Variants in ITGAE observed in about 807,000 individuals in gnomAD.
The protein encoded by ITGAE is integrin alpha-E.
In ITGAE, 99 loss-of-function variants were observed where a neutral mutation model predicts 136.5. The ratio of observed to expected loss-of-function variants is 0.73; its 90% CI spans 0.62 to 0.86. The LOEUF is 0.86. ITGAE is among the 40% of genes least tolerant of loss of function. The pLI is 0.00. For synonymous variants in ITGAE, 613 were observed against 591.8 expected (o/e 1.04, Z -0.52); for missense variants, 1,447 against 1,515.3 (o/e 0.95, Z 0.75).
intron 16 of ITGAE, among the ~76,000 whole-genome samples, chr17:3,748,976 G>T (rs2051790651): frequency 3.9e-5 from 6 of 152,170 alleles, no homozygotes; most frequent in Admixed American, 3.9e-4. Context: ...GAAGGGATAG[G>T]GCTGCTGCTG....
intron 30 of ITGAE, among the ~76,000 whole-genome samples, chr17:3,716,060 G>A (rs1344114469): frequency 6.6e-6 from 1 of 152,010 alleles, no homozygotes; most frequent in Non-Finnish European, 1.5e-5. Context: ...AGGAGGCTGA[G>A]GCAGGAGAAT....
At position 3,723,630 on chromosome 17, in the gene ITGAE, T is replaced by C. The variant is rs1454609501; in HGVS notation, c.3141+58A>G. ...CCAGGAAAAACAGTCTCCTGGCCTC[T>C]CGTTACCCGCTTCAGGCCCTCCGCC... is the stretch of plus-strand genomic sequence containing the variant. On this transcript the variant is annotated intron_variant, in intron 27 of 30. Transcript: ENST00000263087. 6.1e-6 allele frequency: 9 copies of C among 1,483,702 alleles called. No homozygotes were observed. The Admixed American group carries it at 1.9e-4, about 31-fold the overall frequency. The allele number at this position is 1,483,702 out of a possible 1,614,324, so 91.9% of individuals were successfully genotyped here. A position where few individuals can be genotyped will look rare whatever the true frequency, so the allele number is the denominator to read the frequency against.
chr17:3,736,387 C>G (rs569735132), intron 20 of ITGAE, among the ~76,000 whole-genome samples: 2 of 152,150 alleles, frequency 1.3e-5, no homozygotes, highest in South Asian at 4.2e-4. Flanking sequence ...AGAATTGTAC[C>G]CAAATCCTCT....
intron 1 of ITGAE, among the ~76,000 whole-genome samples, chr17:3,797,159 T>A (rs8074073): frequency 0.2 from 1,576 of 7,868 alleles, 30 homozygotes; most frequent in Middle Eastern, 0.31. Context: ...ATATATATAT[T>A]TTTTTTTTTT....
Position 3,755,231 on chromosome 17 carries a change from A to G in ITGAE, c.1270T>C (p.Phe424Leu), listed in dbSNP as rs555468032. The change falls in exon 12 of 31, where the codon TTT (phenylalanine) becomes CTT (leucine). Residue 424 changes from phenylalanine (F) to leucine (L), a missense_variant. Phe to Leu is a conservative substitution (Grantham distance 22). This residue lies in a region of ITGAE where 1,031 missense variants were observed against 1,011.4 expected (regional missense o/e 1.02). Transcript: ENST00000263087. The part of the protein sequence containing the change: ...RQVLLGAVGA[F>L]DWSGGALLYD... ...AGCAACGCCCCTCCGGACCAGTCAA[A>G]GGCCCCGACGGCGCCGAGCAGCACC... is the stretch of plus-strand genomic sequence containing the variant. 1.3e-5 allele frequency: 20 copies of G among 1,575,258 alleles called. No homozygotes were observed. Among genetic ancestry groups the G allele is most frequent in the African/African-American group, 1.2e-4 (9 of 74,236 alleles).
At chr17:3,726,491 T>C in intron 26 of ITGAE, 1 of 616,306 alleles carries the variant, frequency 1.6e-6, no homozygotes. Context: ...GAAACTGAAA[T>C]ATTTGTTGAA....
At chr17:3,765,165 T>C (rs894390113) in intron 2 of ITGAE, among the ~76,000 whole-genome samples, 6 of 151,244 alleles carry the variant, frequency 4.0e-5, no homozygotes, top group Non-Finnish European at 7.4e-5. Context: ...CTGGCTAACA[T>C]GGTGAAACCC....
At chr17:3,728,518 GCCT>G in intron 24 of ITGAE, 6 of 192,988 alleles carry the variant, frequency 3.1e-5, no homozygotes, top group South Asian at 2.1e-4. Context: ...GATTACAGGC[GCCT>G]GCCACCACAC....
chr17:3,719,944 T>C (rs2051016502), intron 29 of ITGAE, among the ~76,000 whole-genome samples: 1 of 152,188 alleles, frequency 6.6e-6, no homozygotes, highest in African/African-American at 2.4e-5. Flanking sequence ...CAGGCTTGTG[T>C]TGAACTTCTG....
At chr17:3,770,670 G>A (rs1010038294) in intron 2 of ITGAE, among the ~76,000 whole-genome samples, 1 of 152,152 alleles carries the variant, frequency 6.6e-6, no homozygotes, top group African/African-American at 2.4e-5. Flanking sequence ...TCTGCAGCAG[G>A]AACCCAGAAG....
At position 3,751,853 on chromosome 17, in the gene ITGAE, G is replaced by T. The variant is rs148254647; in HGVS notation, c.1690C>A (p.Arg564Ser). ...SEQDGSFSLA[R>S]ILSGHPGFTN... The stretch of plus-strand genomic sequence containing the variant: ...AACCCGGGGTGCCCACTCAGTATGC[G>T]TGCCAAGGAGAAAGAACCATCCTGT... Residue 564 changes from arginine to serine, a missense_variant, in exon 15 of 31, where the codon CGC (arginine) becomes AGC (serine). Around this residue, in one of 3 missense-constraint regions of ITGAE, gnomAD observed 1,031 missense variants for 1,011.4 expected, o/e 1.02. Transcript: ENST00000263087. 9.3e-6 allele frequency: 15 copies of T among 1,613,736 alleles called. No individual in the cohort carries two copies. The Middle Eastern group carries it at 4.9e-4, about 53-fold the overall frequency.
intron 15 of ITGAE, among the ~76,000 whole-genome samples, chr17:3,751,363 G>C (rs781037363): frequency 6.6e-6 from 1 of 151,824 alleles, no homozygotes; most frequent in Non-Finnish European, 1.5e-5. Flanking sequence ...GTGGAAGGAG[G>C]GGGTATAGGC....
intron 1 of ITGAE, among the ~76,000 whole-genome samples, chr17:3,784,153 G>A (rs924981539): frequency 3.9e-5 from 6 of 151,928 alleles, no homozygotes; most frequent in East Asian, 2.0e-4. Context: ...CCAGCTACTC[G>A]GGAGGTTGAG....
At position 3,750,384 on chromosome 17, in the gene ITGAE, G is replaced by A. The variant is rs373884215; in HGVS notation, c.1992C>T (p.Thr664=). The A allele has an allele frequency of 5.1e-5, 83 of 1,614,036 alleles. No individual in the cohort carries two copies. Among genetic ancestry groups the A allele is most frequent in the African/African-American group, 4.3e-4 (32 of 74,936 alleles). Residue 664 remains threonine (T), a synonymous_variant, in exon 16 of 31, where the codon ACC becomes ACT. Transcript: ENST00000263087. ...CAACCGCCTGGCCCAGAGTGCCCACGGTGATGTCGGCAAGGCCGTCGCCAC... is the reference window on the plus strand; with the variant it reads ...CAACCGCCTGGCCCAGAGTGCCCACAGTGATGTCGGCAAGGCCGTCGCCAC... ...DISGDGLADI[T]VGTLGQAVVF...
chr17:3,727,037 C>T (rs2051229955), intron 26 of ITGAE, among the ~76,000 whole-genome samples: 1 of 151,874 alleles, frequency 6.6e-6, no homozygotes, highest in African/African-American at 2.4e-5. Context: ...ACCTATAAGC[C>T]CTCTTTCTAA....
chr17:3,723,855 G>A, intron 26 of ITGAE, 111 bp from the exon 27 acceptor site: 2 of 1,523,838 alleles, frequency 1.3e-6, no homozygotes, highest in South Asian at 1.3e-5. Flanking sequence ...CGGGAGCTAG[G>A]ACCCCGCGGC....
chr17:3,769,342 A>T (rs879269254), intron 2 of ITGAE, among the ~76,000 whole-genome samples: 1 of 70,878 alleles, frequency 1.4e-5, no homozygotes, highest in African/African-American at 5.3e-5. Context: ...CCCCACCCCC[A>T]CCCTTTCTTC....
At chr17:3,719,688 A>G (rs986519831) in intron 29 of ITGAE, among the ~76,000 whole-genome samples, 1 of 152,198 alleles carries the variant, frequency 6.6e-6, no homozygotes, top group African/African-American at 2.4e-5. Flanking sequence ...CAGTTACTGG[A>G]TACAAAAAAC....
chr17:3,751,514 C>T (rs2051866611), intron 15 of ITGAE, 136 bp downstream of exon 15: 1 of 748,566 alleles, frequency 1.3e-6, no homozygotes, highest in African/African-American at 1.8e-5. Flanking sequence ...TGGGGGACTT[C>T]TTTCTTTCAC....
Sources: gnomAD v4.1 joint callset for allele counts (sites outside exome capture counted in the v4.1 genomes callset) on GRCh38, gnomAD v4.1.1 for gene constraint, gnomAD v4.1.1 regional missense constraint, MANE v1.5 for transcripts, NCBI Gene and HGNC (gene_info 2026-07-23, HGNC 2026-07-21) for gene names.